Variants in ACCS observed in about 807,000 individuals in gnomAD.
ACCS encodes 1-aminocyclopropane-1-carboxylate synthase-like protein 1.
In ACCS, 42 loss-of-function variants were observed where a neutral mutation model predicts 59.8. That is an observed-to-expected ratio of 0.70 (90% confidence interval 0.55 to 0.91). The LOEUF (loss-of-function observed/expected upper bound fraction) is 0.91. Among genes scored for constraint, ACCS ranks in the 40% least tolerant of loss-of-function variants. The pLI is 0.00. For synonymous variants in ACCS, 230 were observed against 240.3 expected (o/e 0.96, Z 0.40); for missense variants, 602 against 630.4 (o/e 0.95, Z 0.48).
intron 7 of ACCS, 34 bp from the exon 8 acceptor site, chr11:44,077,811 A>G (rs756821862): frequency 1.2e-6 from 2 of 1,608,602 alleles, no homozygotes; most frequent in Admixed American, 3.4e-5. Flanking sequence ...TGGTCACTGA[A>G]TGTGGCTGGT....
chr11:44,079,479 C>A, intron 9 of ACCS, 52 bp from the exon 10 acceptor site: 1 of 1,476,146 alleles, frequency 6.8e-7, no homozygotes, highest in Non-Finnish European at 9.3e-7. Context: ...CCCTGTGGGA[C>A]GCATCTGCCC....
rs750343792 is a variant in ACCS at position 44,083,780 on chromosome 11, C to T, written c.1494C>T (p.Asp498=). The T allele has an allele frequency of 6.2e-7, 1 of 1,611,826 alleles. No individual in the cohort carries two copies. ...PRPSQSQEPS[D]QRR is the part of the protein sequence containing the mutation. Reference sequence around the variant, plus strand: ...CCTCTCAGAGCCAGGAGCCAAGTGACCAACGCAGGTGAGCTGGTCATTGTC... The same window carrying T: ...CCTCTCAGAGCCAGGAGCCAAGTGATCAACGCAGGTGAGCTGGTCATTGTC... Residue 498 remains aspartate (D), a synonymous_variant, in exon 15 of 15, where the codon GAC becomes GAT. Transcript: ENST00000263776.
At position 44,079,623 on chromosome 11, in the gene ACCS, G is replaced by A. The variant is rs1363030077; in HGVS notation, c.923+3G>A. ...CGCAGTGTCCTAAGCCTGGAAAGGTGAGGCTCCCTGACACAGCTAACTCCC... is the reference window on the plus strand; with the variant it reads ...CGCAGTGTCCTAAGCCTGGAAAGGTAAGGCTCCCTGACACAGCTAACTCCC... On this transcript the variant is annotated splice_donor_region_variant and intron_variant, in intron 10 of 14. Coordinates refer to ENST00000263776, the MANE Select transcript of ACCS (RefSeq NM_032592.4). 1.9e-6 allele frequency: 3 copies of A among 1,603,940 alleles called. No individual in the cohort carries two copies. Among genetic ancestry groups the A allele is most frequent in the Non-Finnish European group, 2.6e-6 (3 of 1,175,178 alleles).
At chr11:44,083,033 C>T (rs776302522) in intron 12 of ACCS, 136 bp from the exon 13 acceptor site, 3 of 1,196,608 alleles carry the variant, frequency 2.5e-6, no homozygotes, top group Non-Finnish European at 3.6e-6. Flanking sequence ...ATCCTTCCCA[C>T]CACAGCAGCC....
chr11:44,076,949 G>A (rs922476390), intron 6 of ACCS, among the ~76,000 whole-genome samples: 10 of 152,166 alleles, frequency 6.6e-5, no homozygotes, highest in East Asian at 3.9e-4. Flanking sequence ...ATCAGATCTC[G>A]TGAGACTTAA....
At chr11:44,080,973 T>C in intron 10 of ACCS, 47 bp from the exon 11 acceptor site, 1 of 1,611,008 alleles carries the variant, frequency 6.2e-7, no homozygotes, top group African/African-American at 1.3e-5. Flanking sequence ...ACATGTGGGT[T>C]TCCATAGTTC....
chr11:44,077,769 G>T (rs573006076), intron 7 of ACCS, 76 bp from the exon 8 acceptor site: 10 of 1,557,950 alleles, frequency 6.4e-6, no homozygotes, highest in African/African-American at 5.4e-5. Flanking sequence ...GGGAGGAGAG[G>T]CCTGAGAGTT....
intron 2 of ACCS, among the ~76,000 whole-genome samples, chr11:44,068,184 TC>T (rs2134806338): frequency 6.6e-6 from 1 of 152,328 alleles, no homozygotes; most frequent in East Asian, 1.9e-4. Flanking sequence ...CCACGACCTG[TC>T]GACTATCCAA....
chr11:44,074,153 T>C (rs77771055), intron 4 of ACCS, among the ~76,000 whole-genome samples: 7,140 of 152,258 alleles, frequency 0.047, 262 homozygotes, highest in South Asian at 0.11. Context: ...TTCCTTTAAA[T>C]CTTAGTTTTT....
rs547082459 is a variant in ACCS, at chr11:44,072,013, A to AT, written c.348+699dup. On this transcript the variant is annotated intron_variant, in intron 3 of 14. Transcript: ENST00000263776. ...TAAGCCATCTTAGCAACCACTGACA[A>AT]TGCCTAATAAATGTGTCTCCCAAGG... Among the ~76,000 whole-genome samples the AT allele has an allele frequency of 2.6e-4, 40 of 152,318 alleles. No individual in the cohort carries two copies. In the East Asian group the frequency reaches 7.7e-3, roughly 29 times the overall value.
In ACCS at chr11:44,067,661, C is replaced by T; in HGVS notation, c.34C>T (p.Pro12Ser). 1 of 1,613,460 alleles carries T rather than the reference C, an allele frequency of 6.2e-7. No homozygotes were observed. Among genetic ancestry groups the T allele is most frequent in the Non-Finnish European group, 8.5e-7 (1 of 1,179,696 alleles). The change falls in exon 2 of 15, where the codon CCC becomes TCC. Residue 12 changes from proline to serine, a missense_variant. Pro to Ser is a moderately conservative substitution (Grantham distance 74). Coordinates refer to ENST00000263776, the MANE Select transcript of ACCS (RefSeq NM_032592.4). ...FTLPQKDFRAPTTCLGPTCMQ... is the reference protein window; with the variant it reads ...FTLPQKDFRASTTCLGPTCMQ... ...CCTTCCTCAAAAGGACTTCAGGGCT[C>T]CCACCACCTGTCTGGGCCCCACCTG...
rs1171860742 is a variant in ACCS at position 44,066,289 on chromosome 11, C to G, written c.-413C>G. 6.6e-6 allele frequency: 1 copy of G among 152,310 alleles called. No individual in the cohort carries two copies. The highest frequency in any genetic ancestry group is 2.4e-5 in the African/African-American group (1 of 41,470). 9.4% of individuals were successfully genotyped at this position (152,310 alleles called of 1,614,324 possible). ...AAACCTACACGTGATGGGCGCCCAC[C>G]GAGTGCCAGCACCGCCTCCTCCAGC... On this transcript the variant is annotated 5_prime_UTR_variant, in exon 1 of 15. Transcript: ENST00000263776.
In ACCS at chr11:44,083,967, T is replaced by G; in HGVS notation, c.*175T>G. On this transcript the variant is annotated 3_prime_UTR_variant, in exon 15 of 15. Coordinates refer to ENST00000263776, the MANE Select transcript of ACCS (RefSeq NM_032592.4). ...TGTAGCAGTGGGAAACTCCTTAAGC[T>G]GTGGTTCAGCCTGGGCCCTCCCTCT... The G allele has an allele frequency of 7.2e-7, 1 of 1,394,676 alleles. No individual in the cohort carries two copies. The highest frequency in any genetic ancestry group is 9.4e-7 in the Non-Finnish European group (1 of 1,059,044). The allele number at this position is 1,394,676 out of a possible 1,614,324, so 86.4% of individuals were successfully genotyped here.
At chr11:44,078,143 A>G (rs538638678) in intron 8 of ACCS, 1 of 570,132 alleles carries the variant, frequency 1.8e-6, no homozygotes, top group East Asian at 3.0e-5. Flanking sequence ...CAGTTCACAG[A>G]GAATCAACCA....
Position 44,084,030 on chromosome 11 carries a change from C to A in ACCS, c.*238C>A. ...AAAACTAGGAGAGTCCATATGTCTC[C>A]ATTGTGAGTTATTTAGAATGGAGGA... On this transcript the variant is annotated 3_prime_UTR_variant, in exon 15 of 15. Transcript: ENST00000263776. 1 of 745,692 alleles carries A rather than the reference C, an allele frequency of 1.3e-6. No individual in the cohort carries two copies. The highest frequency in any genetic ancestry group is 2.0e-6 in the Non-Finnish European group (1 of 499,070). 46.2% of individuals were successfully genotyped at this position (745,692 alleles called of 1,614,324 possible). A position where few individuals can be genotyped will look rare whatever the true frequency, so the allele number is the denominator to read the frequency against.
intron 6 of ACCS, 83 bp downstream of exon 6, chr11:44,075,675 A>C (rs1953325913): frequency 6.6e-7 from 1 of 1,514,628 alleles, no homozygotes. Flanking sequence ...CAAGGGCTGC[A>C]ATAGTATGCT....
chr11:44,076,584 C>T (rs922428709), intron 6 of ACCS, among the ~76,000 whole-genome samples: 1 of 152,202 alleles, frequency 6.6e-6, no homozygotes, highest in African/African-American at 2.4e-5. Context: ...CTTCAGTTTC[C>T]CTGTCTATAA....
chr11:44,079,803 AGTT>A (rs1231383498), intron 10 of ACCS, among the ~76,000 whole-genome samples, 183 bp downstream of exon 10: 2 of 152,184 alleles, frequency 1.3e-5, no homozygotes, highest in Non-Finnish European at 2.9e-5. Context: ...GTGATTTTCA[AGTT>A]GTTCTGTGGA....
At chr11:44,082,159 G>A (rs1953668489) in intron 12 of ACCS, 1 of 151,634 alleles carries the variant, frequency 6.6e-6, no homozygotes, top group African/African-American at 2.4e-5. Flanking sequence ...AAGATAAGGA[G>A]CAGCTGGAAG....
Sources: gnomAD v4.1 joint callset for allele counts (sites outside exome capture counted in the v4.1 genomes callset) on GRCh38, gnomAD v4.1.1 for gene constraint, MANE v1.5 for transcripts, NCBI Gene and HGNC (gene_info 2026-07-23, HGNC 2026-07-21) for gene names.